The following AKAP9 variants were observed in gnomAD, a reference collection of about 807,000 sequenced individuals.
AKAP9 encodes A-kinase anchor protein 9.
In AKAP9, 311 loss-of-function variants were observed where a neutral mutation model predicts 488.5. The ratio of observed to expected loss-of-function variants is 0.64; its 90% CI spans 0.58 to 0.70. The LOEUF (loss-of-function observed/expected upper bound fraction) is 0.70, where lower values mean the gene tolerates loss of function less well. Ranked by LOEUF, AKAP9 falls within the 30% of genes least tolerant of loss-of-function variation. AKAP9 has a pLI of 0.00. For missense variants in AKAP9, 4,215 were observed against 4,374.5 expected, an observed-to-expected ratio of 0.96 and a Z score of 1.03; for synonymous variants, 1,462 against 1,483.5, an observed-to-expected ratio of 0.99 and a Z score of 0.33.
chr7:91,981,020 C>T (rs748274131), intron 3 of AKAP9, among the ~76,000 whole-genome samples: 15 of 151,978 alleles, frequency 9.9e-5, no homozygotes, highest in East Asian at 1.9e-4. Context: ...CTTAAATGAA[C>T]GTATTACTGT....
intron 12 of AKAP9, among the ~76,000 whole-genome samples, chr7:92,018,395 A>AACAC (rs56394853): frequency 0.066 from 7,933 of 120,480 alleles, 287 homozygotes; most frequent in Middle Eastern, 0.11. Flanking sequence ...CTAAAAATAT[A>AACAC]ACACACACAC....
At chr7:92,078,306 T>TTTAA (rs1563100285) in intron 30 of AKAP9, among the ~76,000 whole-genome samples, 59 of 151,592 alleles carry the variant, frequency 3.9e-4, no homozygotes, top group African/African-American at 1.4e-3. Flanking sequence ...CCCAATTCTC[T>TTTAA]TTTATTAATT....
chr7:91,950,181 A>T (rs1481388272), intron 1 of AKAP9, among the ~76,000 whole-genome samples: 2 of 148,666 alleles, frequency 1.3e-5, no homozygotes, highest in African/African-American at 5.0e-5. Context: ...AGGATTGCTC[A>T]TTGTGGGCTC....
intron 9 of AKAP9, 90 bp from the exon 10 acceptor site, chr7:92,014,159 G>A: frequency 2.4e-6 from 2 of 843,786 alleles, no homozygotes; most frequent in Non-Finnish European, 4.0e-6. Flanking sequence ...TCTTATTGCA[G>A]GGGAGCTTCC....
rs971391387 is a variant in AKAP9 at position 91,975,890 on chromosome 7, TTTAG to T, written c.306+1925_306+1928del. Among the ~76,000 whole-genome samples the T allele has an allele frequency of 1.4e-4, 21 of 150,812 alleles. 1 individual carries two copies. Among genetic ancestry groups the T allele is most frequent in the South Asian group, 4.2e-4 (2 of 4,800 alleles). ...AGGTTTTTTTGTTTTGTTTTTATTT[TTTAG>T]TTTATTGGTTTGTTTTTTGTTTGTT... On this transcript the variant is annotated intron_variant, in intron 2 of 49. Transcript: ENST00000356239.
Position 92,035,748 on chromosome 7 carries a change from T to G in AKAP9, c.4339-2671T>G, listed in dbSNP as rs946019767. On this transcript the variant is annotated intron_variant, in intron 16 of 49. Transcript: ENST00000356239. ...CCTAGCCATTGTTTACTCTTCAGAATTCTTTAGTTGTTTTGTATTGTGCTC... is the reference window on the plus strand; with the variant it reads ...CCTAGCCATTGTTTACTCTTCAGAAGTCTTTAGTTGTTTTGTATTGTGCTC... Among the ~76,000 whole-genome samples the G allele has an allele frequency of 1.2e-4, 18 of 152,318 alleles. 1 individual carries two copies. The highest frequency in any genetic ancestry group is 3.8e-4 in the African/African-American group (16 of 41,578).
chr7:92,097,120 C>T lies in AKAP9; in HGVS notation c.10161C>T (p.His3387=), dbSNP rs1442172517. ...AAATGGAAAAAGATAGGCAGGTTCA[C>T]AGGAAAACACTGCAGACAGAACAGG... is the stretch of plus-strand genomic sequence containing the variant. ...RQQMEKDRQV[H]RKTLQTEQEA... Residue 3387 remains histidine, a synonymous_variant, in exon 41 of 50, where the codon CAC becomes CAT. Transcript: ENST00000356239. 2 of 1,614,190 alleles carry T rather than the reference C, an allele frequency of 1.2e-6. No homozygotes were observed. The highest frequency in any genetic ancestry group is 8.5e-7 in the Non-Finnish European group (1 of 1,180,036).
chr7:92,049,599 A>C (rs1359816041), intron 21 of AKAP9, among the ~76,000 whole-genome samples: 1 of 152,126 alleles, frequency 6.6e-6, no homozygotes, highest in African/African-American at 2.4e-5. Flanking sequence ...CGACAGAGTG[A>C]GACTCCATCT....
intron 39 of AKAP9, 45 bp downstream of exon 39, chr7:92,093,361 G>A (rs1441107836): frequency 1.3e-6 from 2 of 1,543,382 alleles, no homozygotes; most frequent in Admixed American, 1.7e-5. Flanking sequence ...AGGAGTGGGA[G>A]TAATTTTGTC....
At chr7:92,000,166 G>T (rs1024582144) in intron 7 of AKAP9, among the ~76,000 whole-genome samples, 1 of 152,342 alleles carries the variant, frequency 6.6e-6, no homozygotes, top group African/African-American at 2.4e-5. Flanking sequence ...AATAAGAACT[G>T]GGGGAGAGTA....
At position 92,097,106 on chromosome 7, in the gene AKAP9, G is replaced by T; in HGVS notation, c.10147G>T (p.Asp3383Tyr). 2.5e-6 allele frequency: 4 copies of T among 1,614,204 alleles called. No individual in the cohort carries two copies. The highest frequency in any genetic ancestry group is 2.5e-6 in the Non-Finnish European group (3 of 1,180,028). ...GCAAACACGACAGCAAATGGAAAAA[G>T]ATAGGCAGGTTCACAGGAAAACACT... ...SLQTRQQMEK[D>Y]RQVHRKTLQT... The change falls in exon 41 of 50, where the codon GAT (aspartate) becomes TAT (tyrosine). Residue 3383 changes from aspartate to tyrosine, a missense_variant. Coordinates refer to ENST00000356239, the MANE Select transcript of AKAP9 (RefSeq NM_005751.5).
At position 92,002,241 on chromosome 7, in the gene AKAP9, C is replaced by T. The variant is rs751926047; in HGVS notation, c.2324C>T (p.Ala775Val). Residue 775 changes from alanine to valine, a missense_variant, in exon 8 of 50, where the codon GCA (alanine) becomes GTA (valine). By Grantham distance (64) the Ala-to-Val change is moderately conservative. Transcript: ENST00000356239. ...DLQEKFAQLE[A>V]ENSILKDEKK... is the part of the protein sequence containing the mutation. ...CAAGAAAAATTTGCACAACTTGAAG[C>T]AGAGAATAGCATTCTTAAAGATGAA... The T allele has an allele frequency of 1.2e-5, 19 of 1,596,662 alleles. No individual in the cohort carries two copies. In the African/African-American group the frequency reaches 2.3e-4, roughly 19 times the overall value.
At chr7:92,070,404 GTT>G (rs1309851289) in intron 27 of AKAP9, among the ~76,000 whole-genome samples, 198 bp downstream of exon 27, 50 of 27,858 alleles carry the variant, frequency 1.8e-3, no homozygotes, top group African/African-American at 0.014. Context: ...TGTTGTTGTT[GTT>G]TTGTTTTGTT....
intron 14 of AKAP9, among the ~76,000 whole-genome samples, chr7:92,025,709 C>T (rs969313415): frequency 1.3e-5 from 2 of 152,056 alleles, no homozygotes; most frequent in African/African-American, 4.8e-5. Flanking sequence ...TGATCTTGGA[C>T]AGATTATTTA....
chr7:92,079,587 C>A lies in AKAP9; in HGVS notation c.7454C>A (p.Ser2485Tyr), dbSNP rs373613868. 14 of 1,613,676 alleles carry A rather than the reference C, an allele frequency of 8.7e-6. No homozygotes were observed. The African/African-American group carries it at 1.6e-4, about 18-fold the overall frequency. ...CTAGAAAATCAGACATACTTCAAAT[C>A]TTTTGAAGAAAATGGCAAAGGTTCC... ...KSLENQTYFK[S>Y]FEENGKGSII... The change falls in exon 31 of 50, where the codon TCT becomes TAT. Residue 2485 changes from serine to tyrosine, a missense_variant. Physicochemically the swap from Ser to Tyr is moderately radical, Grantham distance 144. This residue lies in a region of AKAP9 where 1,476 missense variants were observed against 1,477.4 expected (regional missense o/e 1.00). Coordinates refer to ENST00000356239, the MANE Select transcript of AKAP9 (RefSeq NM_005751.5).
rs765468215 is a variant in AKAP9, at chr7:92,080,063, C to T, written c.7930C>T (p.Leu2644=). The change falls in exon 31 of 50, where the codon CTA becomes TTA. Residue 2644 remains leucine (L), a synonymous_variant. Transcript: ENST00000356239. ...KNVLEKEKKL[L]ELQKLLEGNE... is the part of the protein sequence containing the mutation. ...TGTTTTAGAAAAAGAAAAGAAGCTG[C>T]TAGAACTACAGAAGCTATTGGAGGG... 2 of 1,568,376 alleles carry T rather than the reference C, an allele frequency of 1.3e-6. No individual in the cohort carries two copies. The highest frequency in any genetic ancestry group is 2.4e-5 in the South Asian group (2 of 82,372).
intron 2 of AKAP9, among the ~76,000 whole-genome samples, chr7:91,979,582 C>A (rs1350941818): frequency 6.6e-6 from 1 of 152,142 alleles, no homozygotes; most frequent in Non-Finnish European, 1.5e-5. Context: ...TCTGTATATA[C>A]TGTGTTTTTT....
chr7:91,992,142 A>G lies in AKAP9; in HGVS notation c.352-16A>G, dbSNP rs567864641. The G allele has an allele frequency of 1.3e-6, 2 of 1,590,834 alleles. No homozygotes were observed. Among genetic ancestry groups the G allele is most frequent in the Non-Finnish European group, 1.7e-6 (2 of 1,158,988 alleles). Reference sequence around the variant, plus strand: ...TGTCTAAGATCATAATATATCAGGAAATTGTTTTTATACAGGTAAATGGTT... The same window carrying G: ...TGTCTAAGATCATAATATATCAGGAGATTGTTTTTATACAGGTAAATGGTT... On this transcript the variant is annotated splice_polypyrimidine_tract_variant and intron_variant, in intron 3 of 49. Transcript: ENST00000356239.
chr7:91,942,840 T>C (rs1464868871), intron 1 of AKAP9, among the ~76,000 whole-genome samples: 1 of 152,182 alleles, frequency 6.6e-6, no homozygotes. Flanking sequence ...TAAAAGATTA[T>C]CTTCTTTTAG....
Sources: gnomAD v4.1 joint callset for allele counts (sites outside exome capture counted in the v4.1 genomes callset) on GRCh38, gnomAD v4.1.1 for gene constraint, gnomAD v4.1.1 regional missense constraint, MANE v1.5 for transcripts, NCBI Gene and HGNC (gene_info 2026-07-23, HGNC 2026-07-21) for gene names.